Variants in SEMA3D observed in about 807,000 individuals in gnomAD.
SEMA3D encodes the protein semaphorin 3D.
SEMA3D carries 84 observed loss-of-function variants against 100.1 expected under a neutral mutation model. The ratio of observed to expected loss-of-function variants is 0.84; its 90% CI spans 0.70 to 1.01. The LOEUF (loss-of-function observed/expected upper bound fraction) is 1.01, where lower values mean the gene tolerates loss of function less well. Ranked by LOEUF, SEMA3D falls within the 50% of genes least tolerant of loss-of-function variation. The pLI is 0.00. For missense variants in SEMA3D, 875 were observed against 934.1 expected (o/e 0.94, Z 0.82); for synonymous variants, 312 against 320.7 (o/e 0.97, Z 0.29).
intron 1 of SEMA3D, among the ~76,000 whole-genome samples, chr7:85,173,171 CAA>C (rs1034519193): frequency 4.6e-5 from 7 of 151,664 alleles, no homozygotes; most frequent in African/African-American, 1.7e-4. Flanking sequence ...GAGAATTGAA[CAA>C]ATATACATTG....
chr7:85,045,038 A>C (rs1179234671), intron 9 of SEMA3D, among the ~76,000 whole-genome samples: 1 of 152,084 alleles, frequency 6.6e-6, no homozygotes, highest in Non-Finnish European at 1.5e-5. Flanking sequence ...CTAAGGGCCA[A>C]GGATTTCATT....
intron 3 of SEMA3D, among the ~76,000 whole-genome samples, chr7:85,108,077 C>T (rs1180682548): frequency 6.6e-6 from 1 of 151,968 alleles, no homozygotes; most frequent in African/African-American, 2.4e-5. Context: ...AATTTCATAT[C>T]CAAATTCTTC....
At chr7:85,194,775 G>T in the SEMA3D span, among the ~76,000 whole-genome samples, 1 of 152,116 alleles carries the variant, frequency 6.6e-6, no homozygotes, top group Non-Finnish European at 1.5e-5. Context: ...AAAGATCAAG[G>T]TATCATCAGG....
chr7:85,043,380 A>C (rs544635615), intron 9 of SEMA3D, among the ~76,000 whole-genome samples: 21 of 152,198 alleles, frequency 1.4e-4, no homozygotes, highest in African/African-American at 4.8e-4. Context: ...AACAAAAACA[A>C]AAACAAATCT....
chr7:85,165,150 G>A (rs1298864787), intron 1 of SEMA3D, among the ~76,000 whole-genome samples: 2 of 151,654 alleles, frequency 1.3e-5, no homozygotes, highest in African/African-American at 4.8e-5. Context: ...CACCAACATG[G>A]CACATGTATA....
chr7:85,224,804 T>G, the SEMA3D span, among the ~76,000 whole-genome samples: 1 of 151,928 alleles, frequency 6.6e-6, no homozygotes. Context: ...CTATTCTCTA[T>G]TGCAATATTT....
chr7:85,228,353 T>C, the SEMA3D span, among the ~76,000 whole-genome samples: 3 of 152,156 alleles, frequency 2.0e-5, no homozygotes, highest in African/African-American at 7.2e-5. Context: ...ATTTTCCGAA[T>C]GGTAATTTCA....
At chr7:85,179,927 C>T (rs1165207137) in intron 1 of SEMA3D, among the ~76,000 whole-genome samples, 1 of 152,196 alleles carries the variant, frequency 6.6e-6, no homozygotes, top group East Asian at 1.9e-4. Flanking sequence ...TCCCAAAGTG[C>T]TGGGATTACA....
intron 4 of SEMA3D, among the ~76,000 whole-genome samples, chr7:85,096,087 G>GA (rs1229708361): frequency 2.6e-5 from 4 of 151,832 alleles, no homozygotes; most frequent in Non-Finnish European, 5.9e-5. Flanking sequence ...GACATATTTG[G>GA]AAAAAATGCC....
At chr7:85,042,113 C>G (rs1431245322) in intron 10 of SEMA3D, 58 bp downstream of exon 10, 1 of 1,166,038 alleles carries the variant, frequency 8.6e-7, no homozygotes, top group Admixed American at 1.8e-5. Flanking sequence ...AAATAAATGC[C>G]AAGTTACTTA....
intron 4 of SEMA3D, among the ~76,000 whole-genome samples, chr7:85,087,969 T>C (rs1375505613): frequency 6.6e-6 from 1 of 152,186 alleles, no homozygotes. Flanking sequence ...TTTAAACATA[T>C]TCTTAAAAAG....
At chr7:85,039,312 G>A (rs1790789040) in intron 11 of SEMA3D, among the ~76,000 whole-genome samples, 1 of 152,116 alleles carries the variant, frequency 6.6e-6, no homozygotes, top group South Asian at 2.1e-4. Flanking sequence ...TGTTGCCGGG[G>A]CTGGAGTGCA....
the SEMA3D span, among the ~76,000 whole-genome samples, chr7:85,237,927 T>C: frequency 6.6e-6 from 1 of 152,164 alleles, no homozygotes; most frequent in Non-Finnish European, 1.5e-5. Context: ...CTCACCACCA[T>C]TTGGTGTTGT....
chr7:85,120,238 C>T (rs1583942610), intron 3 of SEMA3D, among the ~76,000 whole-genome samples: 1 of 151,996 alleles, frequency 6.6e-6, no homozygotes, highest in Non-Finnish European at 1.5e-5. Context: ...AAAGCCTTGA[C>T]TTTGTTTTTA....
At chr7:85,001,377 T>C (rs1789649987) in intron 18 of SEMA3D, among the ~76,000 whole-genome samples, 1 of 152,208 alleles carries the variant, frequency 6.6e-6, no homozygotes, top group Non-Finnish European at 1.5e-5. Flanking sequence ...CATTTAGAAA[T>C]GCTATTGTAA....
At chr7:85,112,845 T>G (rs1165718122) in intron 3 of SEMA3D, among the ~76,000 whole-genome samples, 2 of 152,184 alleles carry the variant, frequency 1.3e-5, no homozygotes, top group Admixed American at 6.5e-5. Flanking sequence ...TTTGTCTCCC[T>G]AACTGAAAAA....
At chr7:85,242,896 G>T in the SEMA3D span, among the ~76,000 whole-genome samples, 4 of 152,172 alleles carry the variant, frequency 2.6e-5, no homozygotes, top group South Asian at 4.1e-4. Flanking sequence ...TTGTAATTTT[G>T]TCATCAAACA....
chr7:85,176,628 A>G (rs1321515808), intron 1 of SEMA3D, among the ~76,000 whole-genome samples: 3 of 152,098 alleles, frequency 2.0e-5, no homozygotes, highest in Non-Finnish European at 4.4e-5. Context: ...ATTATATAGA[A>G]AAGTGAAAAC....
chr7:85,107,414 C>A (rs1459792111), intron 3 of SEMA3D, among the ~76,000 whole-genome samples: 2 of 152,056 alleles, frequency 1.3e-5, no homozygotes, highest in Non-Finnish European at 2.9e-5. Context: ...TAATATTGTT[C>A]TCTTCGATTT....
Sources: gnomAD v4.1 joint callset for allele counts (sites outside exome capture counted in the v4.1 genomes callset) on GRCh38, gnomAD v4.1.1 for gene constraint, MANE v1.5 for transcripts, NCBI Gene and HGNC (gene_info 2026-07-23, HGNC 2026-07-21) for gene names.